Variants in GAK observed in about 807,000 individuals in gnomAD.
GAK encodes cyclin G associated kinase.
Under a neutral mutation model 143.9 loss-of-function variants are expected in GAK, and 79 were observed. That is an observed-to-expected ratio of 0.55 (90% CI 0.46 to 0.66). GAK has a LOEUF of 0.66. Among genes scored for constraint, GAK ranks in the 30% least tolerant of loss-of-function variants. The pLI, the probability that GAK is intolerant of heterozygous loss-of-function variation, is 0.00. For missense variants in GAK, 1,693 were observed against 1,779.7 expected (o/e 0.95, Z 0.88); for synonymous variants, 881 against 765.5 (o/e 1.15, Z -2.49).
intron 11 of GAK, chr4:886,934 T>A (rs1716454334): frequency 6.6e-6 from 1 of 152,326 alleles, no homozygotes; most frequent in Admixed American, 6.5e-5. Flanking sequence ...TTCCAAAAGG[T>A]TGCACAAGGA....
intron 15 of GAK, among the ~76,000 whole-genome samples, chr4:880,821 G>A (rs950568971): frequency 1.3e-5 from 2 of 152,196 alleles, no homozygotes; most frequent in African/African-American, 4.8e-5. Context: ...TCCAAGGAAG[G>A]AGCTGTGGGA....
chr4:862,433 G>A (rs1385882441), intron 23 of GAK, among the ~76,000 whole-genome samples: 1 of 152,208 alleles, frequency 6.6e-6, no homozygotes, highest in Non-Finnish European at 1.5e-5. Flanking sequence ...GGCTGAGGCG[G>A]GCGGATCACG....
chr4:903,897 C>T (rs1234573234), intron 5 of GAK, among the ~76,000 whole-genome samples: 1 of 152,270 alleles, frequency 6.6e-6, no homozygotes, highest in African/African-American at 2.4e-5. Flanking sequence ...AGGCCCCCAG[C>T]AGGGAGGCGG....
intron 1 of GAK, among the ~76,000 whole-genome samples, chr4:921,892 T>C (rs1276421269): frequency 1.3e-5 from 2 of 152,052 alleles, no homozygotes; most frequent in African/African-American, 4.8e-5. Context: ...ATTTCACCCC[T>C]GAAGATATGC....
At position 849,367 on chromosome 4, in the gene GAK, G is replaced by A. The variant is rs912034223; in HGVS notation, c.*306C>T. ...ACCAGGGCCCATGAGCGCCAGCAGC[G>A]TGGCCCACCACGTGCCGGGGCTCCA... On this transcript the variant is annotated 3_prime_UTR_variant, in exon 28 of 28. Coordinates refer to ENST00000314167, the MANE Select transcript of GAK (RefSeq NM_005255.4). 2.1e-4 allele frequency: 96 copies of A among 449,002 alleles called. No homozygotes were observed. Among genetic ancestry groups the A allele is most frequent in the Middle Eastern group, 1.2e-3 (2 of 1,606 alleles). 27.8% of individuals were successfully genotyped at this position (449,002 alleles called of 1,614,324 possible). A position where few individuals can be genotyped will look rare whatever the true frequency, so the allele number is the denominator to read the frequency against.
At chr4:917,820 A>G (rs901934680) in intron 1 of GAK, among the ~76,000 whole-genome samples, 2 of 152,276 alleles carry the variant, frequency 1.3e-5, no homozygotes, top group African/African-American at 2.4e-5. Context: ...ATATTTAAAT[A>G]ATAAATAAAT....
chr4:904,216 T>G (rs994054643), intron 5 of GAK, among the ~76,000 whole-genome samples: 255 of 138,536 alleles, frequency 1.8e-3, no homozygotes, highest in African/African-American at 3.6e-3. Context: ...AGGGAGCCAC[T>G]ACCTTGTGGT....
rs142609648 is a variant in GAK at position 913,758 on chromosome 4, T to C, written c.146-90A>G. ...ATACCTTCACTAAGTAAAATACAAA[T>C]TGACTTGTGGCGTGGCCAGCAGTTT... On this transcript the variant is annotated intron_variant, in intron 1 of 27. Transcript: ENST00000314167. The C allele has an allele frequency of 2.2e-4, 260 of 1,162,826 alleles. No homozygotes were observed. In the African/African-American group the frequency reaches 3.1e-3, roughly 14 times the overall value. The allele number at this position is 1,162,826 out of a possible 1,614,324, so 72.0% of individuals were successfully genotyped here.
rs765286605 is a variant in GAK, at chr4:883,406, A to G, written c.1313T>C (p.Val438Ala). 6 of 1,613,784 alleles carry G rather than the reference A, an allele frequency of 3.7e-6. No individual in the cohort carries two copies. The highest frequency in any genetic ancestry group is 3.4e-6 in the Non-Finnish European group (4 of 1,180,006). The change falls in exon 13 of 28, where the codon GTG becomes GCG. Residue 438 changes from valine to alanine, a missense_variant. Val to Ala is a moderately conservative substitution (Grantham distance 64, BLOSUM62 0). Coordinates refer to ENST00000314167, the MANE Select transcript of GAK (RefSeq NM_005255.4). ...ESALKNNIED[V>A]RLFLDSKHPG... ...GTGCTTGGAGTCCAGGAACAACCGC[A>G]CATCTTCGATGTTGTTTTTGAGCGC... is the stretch of plus-strand genomic sequence containing the variant.
rs1471763726 is a variant in GAK at position 884,108 on chromosome 4, C to G, written c.1206-22G>C. The G allele has an allele frequency of 3.7e-6, 6 of 1,609,670 alleles. No homozygotes were observed. In the Admixed American group the frequency reaches 5.0e-5, roughly 13 times the overall value. ...ATAACTGGAATTAAAAAGAAGAGAA[C>G]TTGGTTATGACAAGAAACACTCCGC... On this transcript the variant is annotated intron_variant, in intron 11 of 27. Transcript: ENST00000314167.
chr4:913,089 C>T (rs558572167), intron 2 of GAK, among the ~76,000 whole-genome samples: 1 of 151,852 alleles, frequency 6.6e-6, no homozygotes, highest in East Asian at 1.9e-4. Flanking sequence ...GCTCTGCAGA[C>T]ACGGGGGCAG....
chr4:880,778 G>A (rs965388324), intron 15 of GAK, among the ~76,000 whole-genome samples: 1 of 152,236 alleles, frequency 6.6e-6, no homozygotes, highest in Non-Finnish European at 1.5e-5. Context: ...TAGCTGCCCG[G>A]TGGGAGCAGC....
At chr4:862,657 CAAA>C (rs34817637) in intron 23 of GAK, among the ~76,000 whole-genome samples, 2 of 123,648 alleles carry the variant, frequency 1.6e-5, no homozygotes, top group African/African-American at 3.2e-5. Context: ...GACTCTGTCT[CAAA>C]AAAAAAAAAA....
At chr4:849,826 G>GGGGCC in intron 27 of GAK, 52 bp from the exon 28 acceptor site, 2 of 1,413,836 alleles carry the variant, frequency 1.4e-6, no homozygotes, top group Non-Finnish European at 1.9e-6. Context: ...GGGGGCGGGC[G>GGGGCC]GGGCAGGACC....
chr4:914,129 C>A (rs1324378639), intron 1 of GAK: 1 of 120,244 alleles, frequency 8.3e-6, no homozygotes, highest in Non-Finnish European at 1.4e-5. Context: ...CGGCCCCACA[C>A]ACACAGCCCC....
intron 12 of GAK, 143 bp from the exon 13 acceptor site, chr4:883,606 C>T: frequency 2.2e-6 from 2 of 926,988 alleles, no homozygotes; most frequent in Non-Finnish European, 3.3e-6. Flanking sequence ...AGCCGGCCCC[C>T]TCACCCTCCG....
chr4:856,591 G>T (rs1749301181), intron 24 of GAK, among the ~76,000 whole-genome samples: 1 of 141,762 alleles, frequency 7.1e-6, no homozygotes. Flanking sequence ...CACCACCACA[G>T]GTGCTCACAG....
At chr4:862,753 A>G (rs970757949) in intron 23 of GAK, among the ~76,000 whole-genome samples, 7 of 152,116 alleles carry the variant, frequency 4.6e-5, no homozygotes, top group Non-Finnish European at 8.8e-5. Context: ...AGCATGGTTT[A>G]TGGAATATTT....
intron 5 of GAK, among the ~76,000 whole-genome samples, chr4:898,451 C>T (rs1719227436): frequency 6.6e-6 from 1 of 152,238 alleles, no homozygotes; most frequent in Admixed American, 6.5e-5. Flanking sequence ...GTAAATGAGC[C>T]TTCCTCAAAG....
Sources: allele counts gnomAD v4.1 joint callset (sites outside exome capture counted in the v4.1 genomes callset), GRCh38; gene constraint gnomAD v4.1.1; transcripts MANE v1.5; gene names NCBI Gene and HGNC (gene_info 2026-07-23, HGNC 2026-07-21).